The following PCDHA1 variants were observed in gnomAD, a reference collection of about 807,000 sequenced individuals.
The protein encoded by PCDHA1 is protocadherin alpha 1, also known as protocadherin alpha-1.
A neutral mutation model predicts 61.3 loss-of-function variants in PCDHA1; 42 were observed. The observed-to-expected ratio is 0.69, with a 90% CI of 0.54 to 0.89. The LOEUF is 0.89. Ranked by LOEUF, PCDHA1 falls within the 40% of genes least tolerant of loss-of-function variation. PCDHA1 has a pLI of 0.00. For synonymous variants in PCDHA1, 610 were observed against 553.8 expected (o/e 1.10, Z -1.43); for missense variants, 1,256 against 1,235.3 (o/e 1.02, Z -0.25).
At chr5:140,807,980 A>G (rs1764075341) in intron 1 of PCDHA1, 2 of 1,613,730 alleles carry the variant, frequency 1.2e-6, no homozygotes, top group Non-Finnish European at 1.7e-6. Context: ...AATTAAACTT[A>G]ACGCCTCAGA....
At chr5:140,890,533 T>C (rs2062686259) in intron 1 of PCDHA1, among the ~76,000 whole-genome samples, 1 of 152,234 alleles carries the variant, frequency 6.6e-6, no homozygotes, top group South Asian at 2.1e-4. Context: ...TTGATCTTCT[T>C]TTGAAATGAC....
intron 1 of PCDHA1, chr5:140,795,302 C>T (rs782371929): frequency 6.2e-7 from 1 of 1,614,186 alleles, no homozygotes; most frequent in Non-Finnish European, 8.5e-7. Flanking sequence ...GTGGACAGGC[C>T]GCTGCAGGTT....
In PCDHA1 at chr5:140,843,453, T is replaced by A. The variant is rs1554140092; in HGVS notation, c.2394+54769T>A. Reference sequence around the variant, plus strand: ...GCCATCTGCGCGGTATCCAGCCTGCTGGTGCTCACGCTGCTGCTGTACACT... The same window carrying A: ...GCCATCTGCGCGGTATCCAGCCTGCAGGTGCTCACGCTGCTGCTGTACACT... On this transcript the variant is annotated intron_variant, in intron 1 of 3. Coordinates refer to ENST00000504120, the MANE Select transcript of PCDHA1 (RefSeq NM_018900.4). 5.6e-6 allele frequency: 9 copies of A among 1,596,126 alleles called. No individual in the cohort carries two copies. Among genetic ancestry groups the A allele is most frequent in the Non-Finnish European group, 7.7e-6 (9 of 1,165,636 alleles).
chr5:140,846,187 T>C (rs1336642667), intron 1 of PCDHA1, among the ~76,000 whole-genome samples: 1 of 149,366 alleles, frequency 6.7e-6, no homozygotes, highest in Non-Finnish European at 1.5e-5. Flanking sequence ...GGCGTTTGAG[T>C]TCTTTGTATG....
rs782072957 is a variant in PCDHA1, at chr5:140,870,352, G to A, written c.2394+81668G>A. ...GGACAGCGCCCTGGACCGCGAGAAC[G>A]TGTGGGCCTATGAACTGGTGGTGAC... On this transcript the variant is annotated intron_variant, in intron 1 of 3. Coordinates refer to ENST00000504120, the MANE Select transcript of PCDHA1 (RefSeq NM_018900.4). 36 of 1,614,108 alleles carry A rather than the reference G, an allele frequency of 2.2e-5. No homozygotes were observed. In the South Asian group the frequency reaches 3.2e-4, roughly 14 times the overall value.
At chr5:140,971,292 T>C (rs1194622162) in intron 1 of PCDHA1, among the ~76,000 whole-genome samples, 1 of 152,210 alleles carries the variant, frequency 6.6e-6, no homozygotes, top group Non-Finnish European at 1.5e-5. Flanking sequence ...TAATATGTAC[T>C]TTGGTACACA....
At chr5:140,938,606 T>G (rs2092130259) in intron 1 of PCDHA1, among the ~76,000 whole-genome samples, 1 of 152,166 alleles carries the variant, frequency 6.6e-6, no homozygotes, top group African/African-American at 2.4e-5. Flanking sequence ...AATCTTGCAT[T>G]CTTGGAATAA....
intron 1 of PCDHA1, among the ~76,000 whole-genome samples, chr5:140,832,446 A>G (rs2150201698): frequency 1.3e-5 from 2 of 152,202 alleles, no homozygotes; most frequent in Non-Finnish European, 2.9e-5. Flanking sequence ...TAAGCGTGTA[A>G]TTAATATTGC....
intron 1 of PCDHA1, among the ~76,000 whole-genome samples, chr5:140,947,600 G>A (rs1328645188): frequency 1.3e-5 from 2 of 151,624 alleles, no homozygotes; most frequent in African/African-American, 4.8e-5. Flanking sequence ...ATTTAGGGAA[G>A]ATTTGGTATC....
intron 1 of PCDHA1, chr5:140,823,211 G>C (rs782216490): frequency 3.1e-6 from 5 of 1,613,796 alleles, no homozygotes; most frequent in African/African-American, 1.3e-5. Context: ...GTGTCTGCAC[G>C]GGACGCGGAC....
At chr5:140,883,825 G>T in intron 1 of PCDHA1, 1 of 1,612,576 alleles carries the variant, frequency 6.2e-7, no homozygotes, top group South Asian at 1.1e-5. Context: ...AGGTGTACGC[G>T]CTGCAGCCGT....
chr5:141,008,286 A>G (rs944894226), intron 3 of PCDHA1, among the ~76,000 whole-genome samples: 1 of 152,248 alleles, frequency 6.6e-6, no homozygotes, highest in Admixed American at 6.5e-5. Flanking sequence ...TTGAAATAGC[A>G]GTTGTACCCA....
At chr5:140,966,677 A>C in intron 1 of PCDHA1, 1 of 1,313,088 alleles carries the variant, frequency 7.6e-7, no homozygotes, top group Non-Finnish European at 9.8e-7. Flanking sequence ...GCAGGGTGGC[A>C]CGAGCGGAGG....
intron 1 of PCDHA1, chr5:140,807,259 G>A (rs138132729): frequency 5.7e-5 from 92 of 1,614,092 alleles, no homozygotes; most frequent in Non-Finnish European, 7.4e-5. Context: ...TCGCAGCCTG[G>A]GAGGCAGGGA....
intron 3 of PCDHA1, among the ~76,000 whole-genome samples, chr5:140,991,007 G>C (rs2153892777): frequency 6.6e-6 from 1 of 152,280 alleles, no homozygotes; most frequent in South Asian, 2.1e-4. Flanking sequence ...ATTGAGAACT[G>C]TGATAAGCAC....
chr5:140,809,106 C>A lies in PCDHA1; in HGVS notation c.2394+20422C>A, dbSNP rs540996422. ...AGCACAACGCGTGCCCTGGACGAAA[C>A]GGACGCTCCGCGCCACCGCCTACTG... On this transcript the variant is annotated intron_variant, in intron 1 of 3. Coordinates refer to ENST00000504120, the MANE Select transcript of PCDHA1 (RefSeq NM_018900.4). The A allele has an allele frequency of 6.2e-6, 10 of 1,613,832 alleles. No homozygotes were observed. In the African/African-American group the frequency reaches 1.3e-4, roughly 22 times the overall value.
intron 1 of PCDHA1, among the ~76,000 whole-genome samples, chr5:140,943,822 A>T (rs2093570990): frequency 6.6e-6 from 1 of 152,220 alleles, no homozygotes; most frequent in Non-Finnish European, 1.5e-5. Context: ...GAAGAAAATG[A>T]GTTGATTGAA....
At chr5:140,948,942 T>TA (rs34363674) in intron 1 of PCDHA1, among the ~76,000 whole-genome samples, 48,005 of 151,444 alleles carry the variant, frequency 0.32, 7,947 homozygotes, top group East Asian at 0.53. Flanking sequence ...TCTTCTAATA[T>TA]AAAAAAATTA....
intron 1 of PCDHA1, among the ~76,000 whole-genome samples, chr5:140,971,036 G>A (rs919714179): frequency 2.0e-5 from 3 of 152,204 alleles, no homozygotes; most frequent in Non-Finnish European, 2.9e-5. Context: ...TTGAAAGCAC[G>A]TAAAAGGGTT....
Sources: allele counts gnomAD v4.1 joint callset (sites outside exome capture counted in the v4.1 genomes callset), GRCh38; gene constraint gnomAD v4.1.1; transcripts MANE v1.5; gene names NCBI Gene and HGNC (gene_info 2026-07-23, HGNC 2026-07-21).